USP13: variants seen among roughly 807,000 people sequenced by gnomAD.
USP13 encodes the protein ubiquitin specific peptidase 13.
A neutral mutation model predicts 107.8 loss-of-function variants in USP13; 68 were observed. The observed-to-expected ratio is 0.63, with a 90% CI of 0.52 to 0.77. The LOEUF is 0.77. Ranked by LOEUF, USP13 falls within the 30% of genes least tolerant of loss-of-function variation. The pLI is 0.00. For missense variants in USP13, 945 were observed against 1,093.3 expected (o/e 0.86, Z 1.91); for synonymous variants, 377 against 389.5 (o/e 0.97, Z 0.38).
In USP13 at chr3:179,719,965, A is replaced by C; in HGVS notation, c.831A>C (p.Glu277Asp). Reference protein sequence around the residue: ...GADVYSFQEEEPVLDPHLAKH... With the variant: ...GADVYSFQEEDPVLDPHLAKH... ...ATGTTTATTCTTTTCAAGAAGAAGA[A>C]CCTGTTTTGGATCCTCATTTGGCCA... Residue 277 changes from glutamate to aspartate, a missense_variant, in exon 7 of 21, where the codon GAA becomes GAC. Glu to Asp is a conservative substitution (Grantham distance 45, BLOSUM62 2). Transcript: ENST00000263966. The C allele has an allele frequency of 6.2e-7, 1 of 1,614,004 alleles. No individual in the cohort carries two copies. The highest frequency in any genetic ancestry group is 8.5e-7 in the Non-Finnish European group (1 of 1,179,968).
At chr3:179,681,461 C>CA (rs1576921120) in intron 1 of USP13, among the ~76,000 whole-genome samples, 2 of 152,178 alleles carry the variant, frequency 1.3e-5, no homozygotes, top group East Asian at 1.9e-4. Context: ...AATGTAGTTA[C>CA]AAAAAATAAA....
At chr3:179,684,779 CT>C (rs34288995) in intron 2 of USP13, among the ~76,000 whole-genome samples, 135,425 of 147,834 alleles carry the variant, frequency 0.92, 62,046 homozygotes, top group Admixed American at 0.95. Context: ...ATTTTTCTTT[CT>C]TTTTTTTTTT....
At chr3:179,739,460 C>G (rs1714110694) in intron 10 of USP13, among the ~76,000 whole-genome samples, 1 of 152,214 alleles carries the variant, frequency 6.6e-6, no homozygotes, top group Non-Finnish European at 1.5e-5. Flanking sequence ...ATTTTTCTTT[C>G]TTGTAAGTGC....
chr3:179,756,051 A>G (rs1466325150), intron 15 of USP13, among the ~76,000 whole-genome samples: 3 of 152,234 alleles, frequency 2.0e-5, no homozygotes, highest in Admixed American at 1.3e-4. Context: ...GATAAATACA[A>G]GATGGTTTAT....
At chr3:179,741,377 C>T (rs2108512564) in intron 11 of USP13, among the ~76,000 whole-genome samples, 1 of 152,266 alleles carries the variant, frequency 6.6e-6, no homozygotes, top group Non-Finnish European at 1.5e-5. Flanking sequence ...CTCTTGTCTG[C>T]CTCAGGGTTA....
Position 179,787,546 on chromosome 3 carries a change from C to T in USP13, c.*3405C>T, listed in dbSNP as rs1027985934. The T allele has an allele frequency of 6.6e-6, 1 of 152,170 alleles. No individual in the cohort carries two copies. Among genetic ancestry groups the T allele is most frequent in the Non-Finnish European group, 1.5e-5 (1 of 68,052 alleles). The allele number at this position is 152,170 out of a possible 1,614,324, so 9.4% of individuals were successfully genotyped here. On this transcript the variant is annotated 3_prime_UTR_variant, in exon 21 of 21. Coordinates refer to ENST00000263966, the MANE Select transcript of USP13 (RefSeq NM_003940.3). The stretch of plus-strand genomic sequence containing the variant: ...AGGACCTGTGTCATTCTTAGTGGCC[C>T]CACGACCCCTCTGTTTGTATTCCTG...
At chr3:179,686,517 G>T (rs1711879480) in intron 2 of USP13, among the ~76,000 whole-genome samples, 1 of 152,208 alleles carries the variant, frequency 6.6e-6, no homozygotes, top group African/African-American at 2.4e-5. Flanking sequence ...GGAATTTCAG[G>T]TTACAGAGTG....
intron 5 of USP13, among the ~76,000 whole-genome samples, chr3:179,707,823 T>C (rs1237146956): frequency 6.6e-6 from 1 of 152,212 alleles, no homozygotes; most frequent in Non-Finnish European, 1.5e-5. Context: ...ATCCTGACAG[T>C]TGCATGGCAT....
intron 20 of USP13, among the ~76,000 whole-genome samples, chr3:179,782,957 C>T (rs542667378): frequency 6.6e-6 from 1 of 152,196 alleles, no homozygotes; most frequent in African/African-American, 2.4e-5. Context: ...GTTGGTCAGG[C>T]TGGTCCCAAA....
chr3:179,788,745 C>T lies in USP13; in HGVS notation c.*4604C>T, dbSNP rs1283931293. The T allele has an allele frequency of 6.6e-6, 1 of 152,110 alleles. No homozygotes were observed. Among genetic ancestry groups the T allele is most frequent in the African/African-American group, 2.4e-5 (1 of 41,404 alleles). 9.4% of individuals were successfully genotyped at this position (152,110 alleles called of 1,614,324 possible). A position where few individuals can be genotyped will look rare whatever the true frequency, so the allele number is the denominator to read the frequency against. Reference sequence around the variant, plus strand: ...ACGTTATACTTCTATTGGACAGCCCCACTCTAGACTTACATGGTGTGGGGT... The same window carrying T: ...ACGTTATACTTCTATTGGACAGCCCTACTCTAGACTTACATGGTGTGGGGT... On this transcript the variant is annotated 3_prime_UTR_variant, in exon 21 of 21. Coordinates refer to ENST00000263966, the MANE Select transcript of USP13 (RefSeq NM_003940.3).
chr3:179,691,254 T>C (rs1229038857), intron 3 of USP13, among the ~76,000 whole-genome samples: 1 of 152,172 alleles, frequency 6.6e-6, no homozygotes, highest in African/African-American at 2.4e-5. Flanking sequence ...TTCATAATTT[T>C]TCTCCCGCTC....
chr3:179,765,233 G>C (rs1324195111), intron 18 of USP13, among the ~76,000 whole-genome samples: 1 of 152,162 alleles, frequency 6.6e-6, no homozygotes, highest in Non-Finnish European at 1.5e-5. Context: ...CATTCCAGGA[G>C]AGAAGGCTCT....
chr3:179,667,267 A>G (rs1720614859), intron 1 of USP13, among the ~76,000 whole-genome samples: 1 of 152,118 alleles, frequency 6.6e-6, no homozygotes, highest in Admixed American at 6.5e-5. Context: ...GGCCTCTTTG[A>G]TGGGAACTCT....
At chr3:179,726,797 C>T (rs533720882) in intron 8 of USP13, among the ~76,000 whole-genome samples, 1 of 152,042 alleles carries the variant, frequency 6.6e-6, no homozygotes, top group Non-Finnish European at 1.5e-5. Context: ...CCCACCTTAG[C>T]CTCTCGAGTA....
Position 179,787,723 on chromosome 3 carries a change from T to TC in USP13, c.*3585dup, listed in dbSNP as rs540770064. ...TTCAAGTGATTCTCCTGCCTCAGCT[T>TC]CCCAAGTAGCTGGGATTACTGGCGC... is the stretch of plus-strand genomic sequence containing the variant. On this transcript the variant is annotated 3_prime_UTR_variant, in exon 21 of 21. Coordinates refer to ENST00000263966, the MANE Select transcript of USP13 (RefSeq NM_003940.3). 4.6e-5 allele frequency: 7 copies of TC among 152,442 alleles called. No individual in the cohort carries two copies. The highest frequency in any genetic ancestry group is 1.0e-4 in the Non-Finnish European group (7 of 68,222). The allele number at this position is 152,442 out of a possible 1,614,324, so 9.4% of individuals were successfully genotyped here.
intron 6 of USP13, 89 bp downstream of exon 6, chr3:179,709,046 G>C (rs904329950): frequency 6.9e-7 from 1 of 1,445,166 alleles, no homozygotes; most frequent in Non-Finnish European, 9.3e-7. Context: ...GGAAGGTGCA[G>C]GCTCTGGATG....
chr3:179,747,810 T>C (rs935078714), intron 13 of USP13, among the ~76,000 whole-genome samples: 1 of 152,186 alleles, frequency 6.6e-6, no homozygotes, highest in African/African-American at 2.4e-5. Context: ...CTACAAAATA[T>C]TCAGTTGTAG....
Position 179,784,110 on chromosome 3 carries a change from A to G in USP13, c.2561A>G (p.Tyr854Cys). The G allele has an allele frequency of 6.2e-7, 1 of 1,613,272 alleles. No individual in the cohort carries two copies. Among genetic ancestry groups the G allele is most frequent in the Non-Finnish European group, 8.5e-7 (1 of 1,179,766 alleles). ...GAAAGGCCCCCTAAAGACCTGGGCT[A>G]CATGTACTTTTACCGCAGGATACCA... ...ASERPPKDLG[Y>C]MYFYRRIPS The change falls in exon 21 of 21, where the codon TAC becomes TGC. Residue 854 changes from tyrosine (Y) to cysteine (C), a missense_variant. Transcript: ENST00000263966.
rs775726080 is a variant in USP13, at chr3:179,742,560, G to A, written c.1534+210G>A. Among the ~76,000 whole-genome samples, 24 of 152,146 alleles carry A rather than the reference G, an allele frequency of 1.6e-4. No individual in the cohort carries two copies. The highest frequency in any genetic ancestry group is 1.9e-4 in the East Asian group (1 of 5,202). On this transcript the variant is annotated intron_variant, in intron 12 of 20. Transcript: ENST00000263966. The surrounding 1 kb of genome is among the most constrained non-coding windows in gnomAD (Gnocchi z 5.0). ...AATGCATCACAGGTTTTATGGAGGC[G>A]TTATGGTTGGAACCTACGTCACTGC...
Sources: allele counts gnomAD v4.1 joint callset (sites outside exome capture counted in the v4.1 genomes callset), GRCh38; gene constraint gnomAD v4.1.1; non-coding constraint Gnocchi (gnomAD v3.1); transcripts MANE v1.5; gene names NCBI Gene and HGNC (gene_info 2026-07-23, HGNC 2026-07-21).